TCF25: variants seen among roughly 807,000 people sequenced by gnomAD.
The protein encoded by TCF25 is ribosome quality control complex subunit TCF25.
Under a neutral mutation model 83.1 loss-of-function variants are expected in TCF25, and 41 were observed. The ratio of observed to expected loss-of-function variants is 0.49; its 90% CI spans 0.38 to 0.64. The LOEUF is 0.64. Among genes scored for constraint, TCF25 ranks in the 30% least tolerant of loss-of-function variants. TCF25 has a pLI of 0.00. For synonymous variants in TCF25, 458 were observed against 365.0 expected (o/e 1.25, Z -2.90); for missense variants, 979 against 914.5 (o/e 1.07, Z -0.91).
chr16:89,910,874 G>A (rs945522279), intron 17 of TCF25, among the ~76,000 whole-genome samples: 1 of 152,262 alleles, frequency 6.6e-6, no homozygotes, highest in South Asian at 2.1e-4. Flanking sequence ...CCGTGAGTCA[G>A]CCGGCTTGAT....
chr16:89,886,352 C>A (rs566167818), intron 4 of TCF25, among the ~76,000 whole-genome samples: 8 of 152,176 alleles, frequency 5.3e-5, no homozygotes, highest in Non-Finnish European at 1.2e-4. Flanking sequence ...GGCGTGAACC[C>A]AATAGGTGGA....
chr16:89,874,107 G>C (rs1597236221), intron 1 of TCF25, among the ~76,000 whole-genome samples: 1 of 147,080 alleles, frequency 6.8e-6, no homozygotes, highest in African/African-American at 2.5e-5. Context: ...GGTGGGCGGG[G>C]CTAAGGGATG....
intron 14 of TCF25, among the ~76,000 whole-genome samples, chr16:89,905,582 G>T (rs1403063506): frequency 6.6e-6 from 1 of 152,238 alleles, no homozygotes; most frequent in African/African-American, 2.4e-5. Flanking sequence ...CAGCACCGTG[G>T]CTCTGTGCAG....
At chr16:89,904,019 C>A in intron 12 of TCF25, 99 bp from the exon 13 acceptor site, 2 of 1,221,424 alleles carry the variant, frequency 1.6e-6, no homozygotes, top group East Asian at 5.1e-5. Flanking sequence ...ACAGCTGTGT[C>A]TGTGACAAGG....
intron 9 of TCF25, among the ~76,000 whole-genome samples, chr16:89,897,704 G>A (rs907912121): frequency 6.6e-6 from 1 of 152,232 alleles, no homozygotes; most frequent in African/African-American, 2.4e-5. Context: ...AGGGCTCCAT[G>A]TATCCAGCCT....
In TCF25 at chr16:89,892,227, A is replaced by T; in HGVS notation, c.649A>T (p.Thr217Ser). The change falls in exon 6 of 18, where the codon ACA becomes TCA. Residue 217 changes from threonine (T) to serine (S), a missense_variant. Transcript: ENST00000263346. ...GAGACAACGTGTGTACCCCAAGTGCACATGGCTGACCACCCCTAAAAGCAC... is the reference window on the plus strand; with the variant it reads ...GAGACAACGTGTGTACCCCAAGTGCTCATGGCTGACCACCCCTAAAAGCAC... ...RQRQRVYPKC[T>S]WLTTPKSTWP... 1 of 1,613,218 alleles carries T rather than the reference A, an allele frequency of 6.2e-7. No individual in the cohort carries two copies. Among genetic ancestry groups the T allele is most frequent in the Non-Finnish European group, 8.5e-7 (1 of 1,179,796 alleles).
At chr16:89,873,911 GGC>G in intron 1 of TCF25, 52 bp downstream of exon 1, 2 of 1,460,390 alleles carry the variant, frequency 1.4e-6, no homozygotes, top group Admixed American at 2.4e-5. Context: ...GACGTTGTGG[GGC>G]GGGGCGAGCG....
chr16:89,908,476 CCAGCTCCCACCTCTTTCCTCG>C (rs1206303567), intron 16 of TCF25, among the ~76,000 whole-genome samples: 3 of 145,946 alleles, frequency 2.1e-5, no homozygotes, highest in Non-Finnish European at 4.6e-5. Flanking sequence ...TTCCCACCTG[CCAGCTCCCACCTCTTTCCTCG>C]CAGTTCCCAC....
At chr16:89,905,689 C>T (rs954451134) in intron 14 of TCF25, among the ~76,000 whole-genome samples, 4 of 152,224 alleles carry the variant, frequency 2.6e-5, no homozygotes, top group African/African-American at 9.6e-5. Context: ...CCCGGGGGTG[C>T]CCAAGAGGCG....
chr16:89,906,170 T>C (rs758239660), intron 14 of TCF25, 24 bp from the exon 15 acceptor site: 4 of 1,607,036 alleles, frequency 2.5e-6, no homozygotes, highest in Non-Finnish European at 2.6e-6. Context: ...TTATCTGCTG[T>C]GCCTTGTTTC....
chr16:89,885,096 G>A (rs950244095), intron 3 of TCF25, among the ~76,000 whole-genome samples: 3 of 142,356 alleles, frequency 2.1e-5, no homozygotes, highest in South Asian at 4.7e-4. Context: ...CTCTCCCTCT[G>A]CCTGACGCCC....
chr16:89,880,310 G>A (rs754751979), intron 1 of TCF25, among the ~76,000 whole-genome samples: 46 of 152,184 alleles, frequency 3.0e-4, no homozygotes, highest in Admixed American at 2.6e-4. Flanking sequence ...TTGGCCGGGC[G>A]CGGTGGCTCA....
In TCF25 at chr16:89,898,612, C is replaced by A. The variant is rs773785212; in HGVS notation, c.1078C>A (p.Pro360Thr). ...GAGCTTCCTGGAGAAGCGAGGCTGC[C>A]CGCGCACGGCGCTGGAGTACTGCAA... ...QMSFLEKRGCPRTALEYCKLI... is the reference protein window; with the variant it reads ...QMSFLEKRGCTRTALEYCKLI... The change falls in exon 10 of 18, where the codon CCG (proline) becomes ACG (threonine). Residue 360 changes from proline (P) to threonine (T), a missense_variant. Physicochemically the swap from Pro to Thr is conservative, Grantham distance 38. Coordinates refer to ENST00000263346, the MANE Select transcript of TCF25 (RefSeq NM_014972.3). The A allele has an allele frequency of 1.9e-6, 3 of 1,612,574 alleles. No individual in the cohort carries two copies. The Admixed American group carries it at 5.0e-5, about 27-fold the overall frequency.
rs1391198990 is a variant in TCF25 at position 89,893,677 on chromosome 16, G to A, written c.698-51G>A. ...GAAGGTGAGGGCTGTGCTCGGAGCT[G>A]CCCACGTCCCTGCTCCCGGCACACC... On this transcript the variant is annotated intron_variant, in intron 6 of 17. Transcript: ENST00000263346. 6 of 1,611,792 alleles carry A rather than the reference G, an allele frequency of 3.7e-6. No individual in the cohort carries two copies. The East Asian group carries it at 8.9e-5, about 24-fold the overall frequency.
rs192468241 is a variant in TCF25 at position 89,887,950 on chromosome 16, A to T, written c.614+233A>T. Reference sequence around the variant, plus strand: ...TCAGAGTAGCTGGTCTCCATCCCTCACACTGCCTTGTCCAGCATGAGGTTT... The same window carrying T: ...TCAGAGTAGCTGGTCTCCATCCCTCTCACTGCCTTGTCCAGCATGAGGTTT... On this transcript the variant is annotated intron_variant, in intron 5 of 17. Transcript: ENST00000263346. Among the ~76,000 whole-genome samples, 4 of 152,298 alleles carry T rather than the reference A, an allele frequency of 2.6e-5. No homozygotes were observed. The East Asian group carries it at 7.7e-4, about 29-fold the overall frequency.
intron 3 of TCF25, 28 bp downstream of exon 3, chr16:89,884,684 T>C (rs1341087899): frequency 6.2e-7 from 1 of 1,605,166 alleles, no homozygotes; most frequent in Non-Finnish European, 8.5e-7. Flanking sequence ...GGCTGTGCTC[T>C]GTCCCTCTGC....
chr16:89,900,789 C>G lies in TCF25; in HGVS notation c.1376C>G (p.Pro459Arg), dbSNP rs2044258829. The G allele has an allele frequency of 1.9e-6, 3 of 1,573,488 alleles. No individual in the cohort carries two copies. The highest frequency in any genetic ancestry group is 2.6e-6 in the Non-Finnish European group (3 of 1,147,112). ...ATACAGCAGGCGCTCACCATGTTCC[C>G]TGGAGGTGAGTGAGCGCTGTGTCTC... ...LLIQQALTMF[P>R]GVLLPLLESC... Residue 459 changes from proline to arginine, a missense_variant, in exon 12 of 18, where the codon CCT becomes CGT. Pro to Arg is a moderately radical substitution (Grantham distance 103). Coordinates refer to ENST00000263346, the MANE Select transcript of TCF25 (RefSeq NM_014972.3).
At chr16:89,883,309 C>T (rs762982139) in intron 1 of TCF25, 42 bp from the exon 2 acceptor site, 1 of 1,604,576 alleles carries the variant, frequency 6.2e-7, no homozygotes, top group Admixed American at 1.7e-5. Context: ...AGCGTTCACA[C>T]TGTAAGTAAC....
At chr16:89,882,957 G>C (rs2042720477) in intron 1 of TCF25, among the ~76,000 whole-genome samples, 1 of 152,250 alleles carries the variant, frequency 6.6e-6, no homozygotes, top group Non-Finnish European at 1.5e-5. Context: ...TGCTGCTGGA[G>C]AGGAGCTGAG....
Sources: gnomAD v4.1 joint callset for allele counts (sites outside exome capture counted in the v4.1 genomes callset) on GRCh38, gnomAD v4.1.1 for gene constraint, MANE v1.5 for transcripts, NCBI Gene and HGNC (gene_info 2026-07-23, HGNC 2026-07-21) for gene names.